The following SLC39A11 variants were observed in gnomAD, a reference collection of about 807,000 sequenced individuals.
SLC39A11 encodes the protein zinc transporter ZIP11.
Under a neutral mutation model 36.1 loss-of-function variants are expected in SLC39A11, and 33 were observed. That is an observed-to-expected ratio of 0.91 (90% CI 0.69 to 1.22). The LOEUF is 1.22. Ranked by LOEUF, SLC39A11 falls within the 50% of genes most tolerant of loss-of-function variation. The pLI is 0.00. For synonymous variants in SLC39A11, 166 were observed against 170.3 expected, an observed-to-expected ratio of 0.97 and a Z score of 0.20; for missense variants, 432 against 430.3, an observed-to-expected ratio of 1.00 and a Z score of -0.03.
In SLC39A11 at chr17:73,091,399, G is replaced by A. The variant is rs184363495; in HGVS notation, c.-12+1212C>T. On this transcript the variant is annotated intron_variant, in intron 1 of 9. Transcript: ENST00000255559. ...GCGGAGGTTGCAGTGAGCCGAGATC[G>A]CGCCACTGCACTCCAGTCCGGGTGA... Among the ~76,000 whole-genome samples, 458 of 152,010 alleles carry A rather than the reference G, an allele frequency of 3.0e-3. 1 individual carries two copies. The highest frequency in any genetic ancestry group is 5.7e-3 in the Non-Finnish European group (385 of 67,984).
At chr17:72,930,718 G>A (rs550697937) in intron 5 of SLC39A11, among the ~76,000 whole-genome samples, 37 of 152,304 alleles carry the variant, frequency 2.4e-4, no homozygotes, top group Admixed American at 5.2e-4. Flanking sequence ...AAATCTCACG[G>A]AAGCATCTAG....
At chr17:72,676,417 T>C (rs781763500) in intron 7 of SLC39A11, among the ~76,000 whole-genome samples, 14 of 152,116 alleles carry the variant, frequency 9.2e-5, no homozygotes, top group Non-Finnish European at 1.2e-4. Context: ...GTAACCTCGA[T>C]GATCACAACA....
At chr17:72,795,791 T>C (rs912556563) in intron 6 of SLC39A11, among the ~76,000 whole-genome samples, 10 of 152,114 alleles carry the variant, frequency 6.6e-5, no homozygotes, top group African/African-American at 2.4e-4. Flanking sequence ...ATGTGTGTAA[T>C]CTGCAGGGTA....
chr17:72,852,639 CTGAGA>C (rs1051740616), intron 5 of SLC39A11, among the ~76,000 whole-genome samples: 4 of 152,204 alleles, frequency 2.6e-5, no homozygotes, highest in African/African-American at 9.6e-5. Context: ...CAGTACCATC[CTGAGA>C]TATTAGATCA....
chr17:72,727,445 A>C (rs2073972156), intron 7 of SLC39A11, among the ~76,000 whole-genome samples: 1 of 151,912 alleles, frequency 6.6e-6, no homozygotes, highest in Admixed American at 6.6e-5. Flanking sequence ...CGAGGTCAGG[A>C]GATGGAGACC....
At chr17:72,811,607 GT>G (rs1331238925) in intron 6 of SLC39A11, among the ~76,000 whole-genome samples, 1 of 152,152 alleles carries the variant, frequency 6.6e-6, no homozygotes, top group African/African-American at 2.4e-5. Flanking sequence ...ACTATCAGTG[GT>G]GTGCTCTTTG....
intron 3 of SLC39A11, among the ~76,000 whole-genome samples, chr17:73,081,769 A>ACATATATGTATATATGTATG (rs2060542596): frequency 1.3e-5 from 2 of 150,250 alleles, no homozygotes; most frequent in African/African-American, 2.4e-5. Flanking sequence ...GGGTATATAC[A>ACATATATGTATATATGTATG]TATATATATC....
At chr17:72,832,413 C>T (rs1230688126) in intron 6 of SLC39A11, among the ~76,000 whole-genome samples, 1 of 152,236 alleles carries the variant, frequency 6.6e-6, no homozygotes, top group African/African-American at 2.4e-5. Flanking sequence ...TCTCCCAAAC[C>T]GCCATGCTGA....
chr17:72,947,189 C>A (rs2085484712), intron 5 of SLC39A11, among the ~76,000 whole-genome samples: 1 of 152,064 alleles, frequency 6.6e-6, no homozygotes, highest in East Asian at 1.9e-4. Context: ...AGGCATGGAC[C>A]TGTAGTCCCA....
In SLC39A11 at chr17:72,665,620, C is replaced by T. The variant is rs1469407092; in HGVS notation, c.672-16352G>A. Among the ~76,000 whole-genome samples, 9 of 151,738 alleles carry T rather than the reference C, an allele frequency of 5.9e-5. No homozygotes were observed. The South Asian group carries it at 1.9e-3, about 32-fold the overall frequency. On this transcript the variant is annotated intron_variant, in intron 7 of 9. Coordinates refer to ENST00000255559, the MANE Select transcript of SLC39A11 (RefSeq NM_139177.4). ...CCCGGCTTGTCTTGAATTCCTGGGC[C>T]CAAGTGATTCTCCTACCTCAGCTCC... is the stretch of plus-strand genomic sequence containing the variant.
intron 5 of SLC39A11, among the ~76,000 whole-genome samples, chr17:72,913,478 G>T (rs958738155): frequency 6.6e-6 from 1 of 152,200 alleles, no homozygotes; most frequent in Non-Finnish European, 1.5e-5. Flanking sequence ...AGTGGATGGA[G>T]TCTCCTCCTG....
At chr17:72,947,050 G>A (rs1435908932) in intron 5 of SLC39A11, among the ~76,000 whole-genome samples, 1 of 152,256 alleles carries the variant, frequency 6.6e-6, no homozygotes, top group African/African-American at 2.4e-5. Flanking sequence ...GCCAGGTGCA[G>A]TGGCTCATGC....
intron 7 of SLC39A11, among the ~76,000 whole-genome samples, chr17:72,659,196 T>A (rs1452011393): frequency 6.6e-6 from 1 of 152,164 alleles, no homozygotes; most frequent in Non-Finnish European, 1.5e-5. Context: ...AAGGAACTTA[T>A]AATCTGATAC....
At chr17:72,778,430 T>C (rs545878914) in intron 6 of SLC39A11, among the ~76,000 whole-genome samples, 1 of 152,380 alleles carries the variant, frequency 6.6e-6, no homozygotes, top group African/African-American at 2.4e-5. Context: ...GGCTTTTTCC[T>C]ACAGTGAAGG....
intron 6 of SLC39A11, among the ~76,000 whole-genome samples, chr17:72,738,109 A>T (rs1011166224): frequency 1.3e-5 from 2 of 152,106 alleles, no homozygotes; most frequent in Admixed American, 6.6e-5. Flanking sequence ...GGTTCACGCC[A>T]TTCTCTTGCC....
chr17:73,006,791 T>C (rs1208259693), intron 4 of SLC39A11, among the ~76,000 whole-genome samples: 2 of 152,174 alleles, frequency 1.3e-5, no homozygotes, highest in African/African-American at 4.8e-5. Context: ...TTGAGTCTCC[T>C]TTCCACCCAA....
intron 5 of SLC39A11, among the ~76,000 whole-genome samples, chr17:72,910,287 G>A (rs1191751907): frequency 1.3e-5 from 2 of 152,028 alleles, no homozygotes; most frequent in African/African-American, 2.4e-5. Flanking sequence ...ACATGCATAT[G>A]TATCTCCTGA....
chr17:72,825,387 T>C (rs374048588), intron 6 of SLC39A11, among the ~76,000 whole-genome samples: 1 of 152,134 alleles, frequency 6.6e-6, no homozygotes. Context: ...AGAGGATGTA[T>C]GGAAATGCCT....
chr17:72,822,752 T>C (rs1256307279), intron 6 of SLC39A11, among the ~76,000 whole-genome samples: 1 of 150,986 alleles, frequency 6.6e-6, no homozygotes, highest in East Asian at 1.9e-4. Context: ...TTTTGCTCTG[T>C]CACCCAGGCT....
Sources: allele counts gnomAD v4.1 joint callset (sites outside exome capture counted in the v4.1 genomes callset), GRCh38; gene constraint gnomAD v4.1.1; transcripts MANE v1.5; gene names NCBI Gene and HGNC (gene_info 2026-07-23, HGNC 2026-07-21).